ADAMTS6: variants seen among roughly 807,000 people sequenced by gnomAD.
ADAMTS6 encodes A disintegrin and metalloproteinase with thrombospondin motifs 6.
In ADAMTS6, 23 loss-of-function variants were observed where a neutral mutation model predicts 144.3. That is an observed-to-expected ratio of 0.16 (90% CI 0.11 to 0.23). The LOEUF (loss-of-function observed/expected upper bound fraction) is 0.23, where lower values mean the gene tolerates loss of function less well. ADAMTS6 is among the 10% of genes least tolerant of loss of function. ADAMTS6 has a pLI of 1.00. For missense variants in ADAMTS6, 999 were observed against 1,379.6 expected, an observed-to-expected ratio of 0.72 and a Z score of 4.37; for synonymous variants, 444 against 457.5, an observed-to-expected ratio of 0.97 and a Z score of 0.38.
chr5:65,256,305 T>C (rs1000244321), intron 14 of ADAMTS6: 1 of 152,266 alleles, frequency 6.6e-6, no homozygotes, highest in Admixed American at 6.5e-5. Flanking sequence ...AAGAAAGTTC[T>C]ATTAGACAGT....
At chr5:65,414,597 A>T (rs1755343750) in intron 7 of ADAMTS6, among the ~76,000 whole-genome samples, 1 of 152,202 alleles carries the variant, frequency 6.6e-6, no homozygotes, top group Non-Finnish European at 1.5e-5. Context: ...GCCATATGAG[A>T]GGTAAGATCA....
chr5:65,353,209 T>C lies in ADAMTS6; in HGVS notation c.1074-19124A>G, dbSNP rs557854390. Among the ~76,000 whole-genome samples, 82 of 152,188 alleles carry C rather than the reference T, an allele frequency of 5.4e-4. 1 individual carries two copies. The highest frequency in any genetic ancestry group is 3.1e-3 in the Admixed American group (47 of 15,276). On this transcript the variant is annotated intron_variant, in intron 7 of 24. Transcript: ENST00000381055. ...CAAAACATGTAACATTTCTACAATA[T>C]GTTAATGGTTCCCCCATAGAAATTA...
intron 7 of ADAMTS6, among the ~76,000 whole-genome samples, chr5:65,439,960 A>T (rs773221161): frequency 6.6e-6 from 1 of 152,158 alleles, no homozygotes; most frequent in African/African-American, 2.4e-5. Context: ...ATGCGCCACC[A>T]TACCCAGCTA....
chr5:65,257,689 C>T (rs1760809926), intron 14 of ADAMTS6, among the ~76,000 whole-genome samples: 1 of 152,332 alleles, frequency 6.6e-6, no homozygotes, highest in South Asian at 2.1e-4. Context: ...CTAGGCCTTG[C>T]ACTTAATTTT....
Position 65,452,770 on chromosome 5 carries a change from T to G in ADAMTS6, c.780A>C (p.Lys260Asn). The G allele has an allele frequency of 6.2e-7, 1 of 1,614,118 alleles. No individual in the cohort carries two copies. Among genetic ancestry groups the G allele is most frequent in the Non-Finnish European group, 8.5e-7 (1 of 1,179,966 alleles). Residue 260 changes from lysine (K) to asparagine (N), a missense_variant, in exon 5 of 25, where the codon AAA (lysine) becomes AAC (asparagine). Physicochemically the swap from Lys to Asn is moderately conservative, Grantham distance 94. Transcript: ENST00000381055. ...TGCGGCCATGGTAGCCCACCATCAT[T>G]TTGTCTGCCACTACCAATGTCTCCA... is the stretch of plus-strand genomic sequence containing the variant. ...RFVETLVVAD[K>N]MMVGYHGRKD...
chr5:65,392,358 C>A (rs1013035938), intron 7 of ADAMTS6, among the ~76,000 whole-genome samples: 1 of 152,168 alleles, frequency 6.6e-6, no homozygotes. Flanking sequence ...CATACATGAT[C>A]CTTGCCTAAT....
At chr5:65,436,525 C>A (rs1304911042) in intron 7 of ADAMTS6, among the ~76,000 whole-genome samples, 1 of 151,702 alleles carries the variant, frequency 6.6e-6, no homozygotes. Flanking sequence ...CAGCTGCAAG[C>A]TGCATTCCTT....
chr5:65,460,189 G>C lies in ADAMTS6; in HGVS notation c.612C>G (p.His204Gln). The change falls in exon 4 of 25, where the codon CAC (histidine) becomes CAG (glutamine). Residue 204 changes from histidine to glutamine, a missense_variant. His to Gln is a conservative substitution (Grantham distance 24). Around this residue, in one of 3 missense-constraint regions of ADAMTS6, gnomAD observed 252 missense variants for 293.7 expected, o/e 0.86. Coordinates refer to ENST00000381055, the MANE Select transcript of ADAMTS6 (RefSeq NM_197941.4). Reference protein sequence around the residue: ...SALQQRHLYDHSHCGVSDFTR... With the variant: ...SALQQRHLYDQSHCGVSDFTR... ...ACTCACCCGAAACCCCACAATGAGA[G>C]TGATCATACAGATGTCGTTGTTGAA... 6.2e-7 allele frequency: 1 copy of C among 1,614,056 alleles called. No homozygotes were observed. Among genetic ancestry groups the C allele is most frequent in the Non-Finnish European group, 8.5e-7 (1 of 1,179,960 alleles).
At chr5:65,223,263 A>G (rs577260206) in intron 18 of ADAMTS6, among the ~76,000 whole-genome samples, 28 of 152,330 alleles carry the variant, frequency 1.8e-4, no homozygotes, top group African/African-American at 6.7e-4. Context: ...TTCAACATAC[A>G]TAAACATTGT....
At chr5:65,204,831 A>C (rs1448164709) in intron 20 of ADAMTS6, among the ~76,000 whole-genome samples, 1 of 152,206 alleles carries the variant, frequency 6.6e-6, no homozygotes, top group Non-Finnish European at 1.5e-5. Flanking sequence ...CATGATTTCA[A>C]AAAATAATAG....
intron 7 of ADAMTS6, among the ~76,000 whole-genome samples, chr5:65,431,549 C>T (rs909441521): frequency 1.5e-4 from 23 of 152,050 alleles, no homozygotes; most frequent in Admixed American, 4.6e-4. Flanking sequence ...CACAAGCAAA[C>T]AAAAAATACC....
intron 7 of ADAMTS6, among the ~76,000 whole-genome samples, chr5:65,417,009 A>G (rs1388421306): frequency 6.6e-6 from 1 of 152,158 alleles, no homozygotes; most frequent in African/African-American, 2.4e-5. Context: ...ATTCAACAGC[A>G]TAACAAAAAG....
At chr5:65,181,709 T>C (rs1345073718) in intron 22 of ADAMTS6, among the ~76,000 whole-genome samples, 1 of 152,202 alleles carries the variant, frequency 6.6e-6, no homozygotes, top group Non-Finnish European at 1.5e-5. Context: ...ATAGTAAATA[T>C]GAATTATTGT....
intron 9 of ADAMTS6, among the ~76,000 whole-genome samples, chr5:65,323,833 CA>C (rs1745893163): frequency 6.6e-6 from 1 of 152,152 alleles, no homozygotes; most frequent in Admixed American, 6.5e-5. Flanking sequence ...GATGGTATCT[CA>C]TTGTGGTTTT....
chr5:65,367,357 T>C lies in ADAMTS6; in HGVS notation c.1074-33272A>G, dbSNP rs187697838. Among the ~76,000 whole-genome samples, 45 of 152,290 alleles carry C rather than the reference T, an allele frequency of 3.0e-4. 1 individual carries two copies. The highest frequency in any genetic ancestry group is 1.5e-3 in the Admixed American group (23 of 15,298). On this transcript the variant is annotated intron_variant, in intron 7 of 24. Coordinates refer to ENST00000381055, the MANE Select transcript of ADAMTS6 (RefSeq NM_197941.4). ...AACCCTAGAGCCTTGAGAACACATA[T>C]GGGTACAATATTGCACTTACCATGG...
At chr5:65,322,869 A>C (rs540182966) in intron 9 of ADAMTS6, among the ~76,000 whole-genome samples, 1 of 152,144 alleles carries the variant, frequency 6.6e-6, no homozygotes, top group South Asian at 2.1e-4. Flanking sequence ...AATGCCGTTT[A>C]TTTCTTTCTC....
At chr5:65,267,695 T>A (rs1761729263) in intron 12 of ADAMTS6, among the ~76,000 whole-genome samples, 1 of 152,070 alleles carries the variant, frequency 6.6e-6, no homozygotes, top group African/African-American at 2.4e-5. Flanking sequence ...AAGATGAGTA[T>A]ATGCAGTATT....
At chr5:65,328,691 TCAAG>T (rs1277890190) in intron 9 of ADAMTS6, among the ~76,000 whole-genome samples, 1 of 151,908 alleles carries the variant, frequency 6.6e-6, no homozygotes, top group African/African-American at 2.4e-5. Context: ...AAAAGTATTA[TCAAG>T]CTTCTCTTCC....
chr5:65,460,141 C>A, intron 4 of ADAMTS6, 29 bp downstream of exon 4: 1 of 1,610,930 alleles, frequency 6.2e-7, no homozygotes, highest in Non-Finnish European at 8.5e-7. Context: ...CAGTACAATA[C>A]GCTTTGTAAA....
Sources: allele counts gnomAD v4.1 joint callset (sites outside exome capture counted in the v4.1 genomes callset), GRCh38; gene constraint gnomAD v4.1.1; regional missense constraint gnomAD v4.1.1; transcripts MANE v1.5; gene names NCBI Gene and HGNC (gene_info 2026-07-23, HGNC 2026-07-21).